Variants in CELSR2 observed in about 807,000 individuals in gnomAD.
CELSR2 encodes the protein cadherin EGF LAG seven-pass G-type receptor 2, also known as EGF-like protein 2.
Under a neutral mutation model 251.6 loss-of-function variants are expected in CELSR2, and 81 were observed. The observed-to-expected ratio is 0.32, with a 90% CI of 0.27 to 0.39. The LOEUF (loss-of-function observed/expected upper bound fraction) is 0.39, where lower values mean the gene tolerates loss of function less well. Ranked by LOEUF, CELSR2 falls within the 10% of genes least tolerant of loss-of-function variation. CELSR2 has a pLI of 1.00. For synonymous variants in CELSR2, 1,721 were observed against 1,670.5 expected, an observed-to-expected ratio of 1.03 and a Z score of -0.74; for missense variants, 3,365 against 3,947.7, an observed-to-expected ratio of 0.85 and a Z score of 3.96.
chr1:109,260,049 C>G (rs994561835), intron 2 of CELSR2, among the ~76,000 whole-genome samples: 4 of 151,864 alleles, frequency 2.6e-5, no homozygotes, highest in Non-Finnish European at 1.5e-5. Context: ...CACTCCTTCC[C>G]CGCTGCATCT....
rs1655938127 is a variant in CELSR2, at chr1:109,258,881, C to G, written c.3760C>G (p.Pro1254Ala). Reference protein sequence around the residue: ...VSVLRFDSSAPFIASSSVLFR... With the variant: ...VSVLRFDSSAAFIASSSVLFR... ...GGTGCTGCGCTTCGACTCCTCCGCG[C>G]CCTTCATCGCCTCCTCCTCCGTGCT... The change falls in exon 2 of 34, where the codon CCC (proline) becomes GCC (alanine). Residue 1254 changes from proline (P) to alanine (A), a missense_variant. Pro to Ala is a conservative substitution (Grantham distance 27). This residue lies in a region of CELSR2 where 2,093 missense variants were observed against 2,382.8 expected (regional missense o/e 0.88). Transcript: ENST00000271332. 1 of 1,612,472 alleles carries G rather than the reference C, an allele frequency of 6.2e-7. No individual in the cohort carries two copies. Among genetic ancestry groups the G allele is most frequent in the Non-Finnish European group, 8.5e-7 (1 of 1,179,418 alleles).
Position 109,271,264 on chromosome 1 carries a change from C to T in CELSR2, c.7644C>T (p.Ala2548=), listed in dbSNP as rs772134542. ...YILAARASCA[A]QRQGFEKKGP... is the part of the protein sequence containing the mutation. ...TGGCGGCCCGGGCCTCCTGTGCTGC[C>T]CAGCGGCAGGGCTTTGAGAAGAAAG... Residue 2548 remains alanine (A), a synonymous_variant, in exon 26 of 34, where the codon GCC becomes GCT. Coordinates refer to ENST00000271332, the MANE Select transcript of CELSR2 (RefSeq NM_001408.3). 6.2e-7 allele frequency: 1 copy of T among 1,614,052 alleles called. No individual in the cohort carries two copies. The highest frequency in any genetic ancestry group is 8.5e-7 in the Non-Finnish European group (1 of 1,180,028).
chr1:109,273,832 G>T, intron 33 of CELSR2, 162 bp downstream of exon 33: 2 of 1,007,650 alleles, frequency 2.0e-6, no homozygotes, highest in South Asian at 1.5e-5. Flanking sequence ...ACAAACCATG[G>T]TGCCTTGCGG....
At chr1:109,263,857 G>C in intron 9 of CELSR2, 80 bp downstream of exon 9, 2 of 1,530,048 alleles carry the variant, frequency 1.3e-6, no homozygotes, top group Non-Finnish European at 1.8e-6. Context: ...GAAGTGGCTG[G>C]GCAGGTCCTG....
Position 109,269,457 on chromosome 1 carries a change from GGTGAGCATCAGC to G in CELSR2, c.6849_6860del (p.Ser2284_Val2287del). 1 of 1,614,028 alleles carries G rather than the reference GGTGAGCATCAGC, an allele frequency of 6.2e-7. No individual in the cohort carries two copies. The highest frequency in any genetic ancestry group is 8.5e-7 in the Non-Finnish European group (1 of 1,179,998). On this transcript the variant is annotated inframe_deletion, in exon 21 of 34. Transcript: ENST00000271332. The surrounding 1 kb of genome is among the most constrained non-coding windows in gnomAD (Gnocchi z 6.4). ...AACGCCCGATCATCAACACACCCGTGGTGAGCATCAGCGTCCATGATGATGAGGAGCTTCTGC... is the reference window on the plus strand; with the variant it reads ...AACGCCCGATCATCAACACACCCGTGGTCCATGATGATGAGGAGCTTCTGC...
chr1:109,265,941 G>A lies in CELSR2; in HGVS notation c.5911+23G>A, dbSNP rs199731654. 1.2e-3 allele frequency: 1,904 copies of A among 1,605,292 alleles called. 6 individuals are homozygous for A. The highest frequency in any genetic ancestry group is 2.2e-3 in the Middle Eastern group (13 of 6,024). ...AAGGTGGGGCTCCTGGGATGGGTGG[G>A]CAGCCCTCCTTACAGTGTGCTAGGC... On this transcript the variant is annotated intron_variant, in intron 14 of 33. Transcript: ENST00000271332.
chr1:109,250,943 G>A lies in CELSR2; in HGVS notation c.864G>A (p.Val288=). ...LVTDTNDHDP[V]FEQQEYKESL... is the part of the protein sequence containing the mutation. ...CTGACACCAATGACCATGACCCTGT[G>A]TTCGAGCAGCAGGAGTACAAGGAGA... The change falls in exon 1 of 34, where the codon GTG becomes GTA. Residue 288 remains valine, a synonymous_variant. Transcript: ENST00000271332. This position sits in a 1 kb window ranked among gnomAD's most constrained non-coding sequence, Gnocchi z 4.4. 1 of 1,613,824 alleles carries A rather than the reference G, an allele frequency of 6.2e-7. No individual in the cohort carries two copies. Among genetic ancestry groups the A allele is most frequent in the East Asian group, 2.2e-5 (1 of 44,878 alleles).
At position 109,269,671 on chromosome 1, in the gene CELSR2, C is replaced by T; in HGVS notation, c.6981-23C>T. ...TGCATGCCTCACCCTCCTTGTCTCC[C>T]TGACCCTGCCTTCCTCACACAGGGT... is the stretch of plus-strand genomic sequence containing the variant. On this transcript the variant is annotated intron_variant, in intron 21 of 33. Coordinates refer to ENST00000271332, the MANE Select transcript of CELSR2 (RefSeq NM_001408.3). The surrounding 1 kb of genome is among the most constrained non-coding windows in gnomAD (Gnocchi z 6.4). 6.2e-7 allele frequency: 1 copy of T among 1,614,106 alleles called. No individual in the cohort carries two copies. The highest frequency in any genetic ancestry group is 8.5e-7 in the Non-Finnish European group (1 of 1,179,988).
rs752773746 is a variant in CELSR2, at chr1:109,269,517, C to T, written c.6906C>T (p.Val2302=). ...ELLPRALDKP[V]TVQFRLLETE... ...TGCCCCGGGCCCTGGACAAACCCGT[C>T]ACGGTGCAGTTCCGCCTGCTGGAGA... Residue 2302 remains valine, a synonymous_variant, in exon 21 of 34, where the codon GTC becomes GTT. Coordinates refer to ENST00000271332, the MANE Select transcript of CELSR2 (RefSeq NM_001408.3). This position sits in a 1 kb window ranked among gnomAD's most constrained non-coding sequence, Gnocchi z 6.4. 1.9e-6 allele frequency: 3 copies of T among 1,614,174 alleles called. No individual in the cohort carries two copies. The highest frequency in any genetic ancestry group is 1.7e-5 in the Admixed American group (1 of 60,030).
In CELSR2 at chr1:109,274,328, A is replaced by C. The variant is rs373742358; in HGVS notation, c.*279A>C. Reference sequence around the variant, plus strand: ...GTTTTTCAGAAAAGAGGAAAAAAAGAATTTAAAAAAGGATCTCCACTCTTC... The same window carrying C: ...GTTTTTCAGAAAAGAGGAAAAAAAGCATTTAAAAAAGGATCTCCACTCTTC... On this transcript the variant is annotated 3_prime_UTR_variant, in exon 34 of 34. Transcript: ENST00000271332. 7.6e-5 allele frequency: 49 copies of C among 647,644 alleles called. No individual in the cohort carries two copies. Among genetic ancestry groups the C allele is most frequent in the South Asian group, 6.1e-4 (22 of 36,078 alleles). The allele number at this position is 647,644 out of a possible 1,614,324, so 40.1% of individuals were successfully genotyped here.
At chr1:109,258,404 T>G (rs1273947224) in intron 1 of CELSR2, 28 bp from the exon 2 acceptor site, 3 of 1,510,548 alleles carry the variant, frequency 2.0e-6, no homozygotes, top group Non-Finnish European at 2.7e-6. Context: ...AGCCCCAGGC[T>G]GGGTCCTGAC....
Position 109,264,114 on chromosome 1 carries a change from A to G in CELSR2, c.5038A>G (p.Thr1680Ala), listed in dbSNP as rs1656116495. The G allele has an allele frequency of 6.3e-7, 1 of 1,598,612 alleles. No homozygotes were observed. The highest frequency in any genetic ancestry group is 2.2e-5 in the East Asian group (1 of 44,460). ...CCACGTGATGCTGAGCGTGGAGGGC[A>G]CAGGGCTTCAGGCCTCCTCTCTCCG... ...EGHVMLSVEG[T>A]GLQASSLRLE... The change falls in exon 10 of 34, where the codon ACA becomes GCA. Residue 1680 changes from threonine to alanine, a missense_variant. Transcript: ENST00000271332.
chr1:109,261,809 G>C lies in CELSR2; in HGVS notation c.4299G>C (p.Gly1433=), dbSNP rs1294964848. ...QEQVQLTFSA[G]ESTTTVSPFV... ...CAGCTCACCTGGTCCTTTCCCCAGG[G>C]GAGTCAACCACCACGGTGTCCCCAT... is the stretch of plus-strand genomic sequence containing the variant. The change falls in exon 5 of 34, where the codon GGG becomes GGC. Residue 1433 remains glycine (G), a splice_region_variant and synonymous_variant. Coordinates refer to ENST00000271332, the MANE Select transcript of CELSR2 (RefSeq NM_001408.3). The surrounding 1 kb of genome is among the most constrained non-coding windows in gnomAD (Gnocchi z 4.8). 1.9e-6 allele frequency: 3 copies of C among 1,590,152 alleles called. No homozygotes were observed. In the African/African-American group the frequency reaches 4.0e-5, roughly 21 times the overall value.
At position 109,259,057 on chromosome 1, in the gene CELSR2, C is replaced by T. The variant is rs1655945448; in HGVS notation, c.3936C>T (p.Cys1312=). The change falls in exon 2 of 34, where the codon TGC becomes TGT. Residue 1312 remains cysteine (C), a synonymous_variant. Transcript: ENST00000271332. The part of the protein sequence containing the change: ...RCRSREGGYT[C]LCRDGYTGEH... ...GCAGCCGCGAGGGCGGCTACACCTG[C>T]CTCTGTCGTGATGGCTACACGGGTG... The T allele has an allele frequency of 6.3e-7, 1 of 1,592,184 alleles. No homozygotes were observed. Among genetic ancestry groups the T allele is most frequent in the Non-Finnish European group, 8.5e-7 (1 of 1,174,532 alleles).
At position 109,271,454 on chromosome 1, in the gene CELSR2, C is replaced by G. The variant is rs755370152; in HGVS notation, c.7745C>G (p.Ser2582Cys). Residue 2582 changes from serine to cysteine, a missense_variant, in exon 27 of 34, where the codon TCT becomes TGT. Ser to Cys is a moderately radical substitution (Grantham distance 112, BLOSUM62 -1). Around this residue, in one of 5 missense-constraint regions of CELSR2, gnomAD observed 2,093 missense variants for 2,382.8 expected, o/e 0.88. Transcript: ENST00000271332. ...GCCACGTGGCTGCTGGCACTGCTCT[C>G]TGTCAACAGCGACACCCTCCTCTTC... ...LSATWLLALL[S>C]VNSDTLLFHY... is the part of the protein sequence containing the mutation. 10 of 1,614,106 alleles carry G rather than the reference C, an allele frequency of 6.2e-6. No homozygotes were observed. The highest frequency in any genetic ancestry group is 8.5e-6 in the Non-Finnish European group (10 of 1,180,032).
chr1:109,266,201 C>A lies in CELSR2; in HGVS notation c.6008C>A (p.Ser2003Tyr). 1 of 1,614,054 alleles carries A rather than the reference C, an allele frequency of 6.2e-7. No homozygotes were observed. The highest frequency in any genetic ancestry group is 8.5e-7 in the Non-Finnish European group (1 of 1,180,010). The change falls in exon 15 of 34, where the codon TCC becomes TAC. Residue 2003 changes from serine (S) to tyrosine (Y), a missense_variant. By Grantham distance (144) the Ser-to-Tyr change is moderately radical. Coordinates refer to ENST00000271332, the MANE Select transcript of CELSR2 (RefSeq NM_001408.3). ...GCTGCTGCTCCCTGTCCCAAAGGCT[C>A]CTTTGGTAGGTGTTGGAGGCCCCGA... ...LPAAAPCPKG[S>Y]FGTAVRHCDE...
chr1:109,262,635 T>C (rs1177867457), intron 6 of CELSR2, among the ~76,000 whole-genome samples, 171 bp from the exon 7 acceptor site: 2 of 152,056 alleles, frequency 1.3e-5, no homozygotes, highest in East Asian at 3.9e-4. Context: ...GGGGGCTGAG[T>C]GTTCGACAAG....
chr1:109,251,889 A>G lies in CELSR2; in HGVS notation c.1810A>G (p.Asn604Asp), dbSNP rs1363275782. The change falls in exon 1 of 34, where the codon AAC becomes GAC. Residue 604 changes from asparagine (N) to aspartate (D), a missense_variant. Asn to Asp is a conservative substitution (Grantham distance 23, BLOSUM62 1). Coordinates refer to ENST00000271332, the MANE Select transcript of CELSR2 (RefSeq NM_001408.3). This position sits in a 1 kb window ranked among gnomAD's most constrained non-coding sequence, Gnocchi z 4.9. ...TGTCAGCGTGACTGTCCTGGATGTC[A>G]ACGACAACAATCCAACCTTTACCCA... The part of the protein sequence containing the change: ...ASVSVTVLDV[N>D]DNNPTFTQPE... The G allele has an allele frequency of 6.2e-7, 1 of 1,613,954 alleles. No individual in the cohort carries two copies. The highest frequency in any genetic ancestry group is 8.5e-7 in the Non-Finnish European group (1 of 1,180,018).
Position 109,273,885 on chromosome 1 carries a change from T to C in CELSR2, c.8745-137T>C, listed in dbSNP as rs1656450295. 8 of 1,289,768 alleles carry C rather than the reference T, an allele frequency of 6.2e-6. No homozygotes were observed. In the Admixed American group the frequency reaches 1.2e-4, roughly 19 times the overall value. The allele number at this position is 1,289,768 out of a possible 1,614,324, so 79.9% of individuals were successfully genotyped here. On this transcript the variant is annotated intron_variant, in intron 33 of 33. Coordinates refer to ENST00000271332, the MANE Select transcript of CELSR2 (RefSeq NM_001408.3). ...AGGCTCTACGCGGCGCAGCCCAGCC[T>C]AGGGCAGAGTGCGGGAGGATGGGGA...
Sources: allele counts gnomAD v4.1 joint callset (sites outside exome capture counted in the v4.1 genomes callset), GRCh38; gene constraint gnomAD v4.1.1; regional missense constraint gnomAD v4.1.1; non-coding constraint Gnocchi (gnomAD v3.1); transcripts MANE v1.5; gene names NCBI Gene and HGNC (gene_info 2026-07-23, HGNC 2026-07-21).